TMEM132D: variants seen among roughly 807,000 people sequenced by gnomAD.
TMEM132D encodes transmembrane protein 132D, also known as mature OL transmembrane protein.
Under a neutral mutation model 62.3 loss-of-function variants are expected in TMEM132D, and 21 were observed. The observed-to-expected ratio is 0.34, with a 90% CI of 0.24 to 0.49. The LOEUF (loss-of-function observed/expected upper bound fraction) is 0.49. Ranked by LOEUF, TMEM132D falls within the 20% of genes least tolerant of loss-of-function variation. TMEM132D has a pLI of 0.99. For missense variants in TMEM132D, 1,346 were observed against 1,402.8 expected (o/e 0.96, Z 0.65); for synonymous variants, 621 against 575.6 (o/e 1.08, Z -1.13).
At chr12:129,193,578 A>G (rs1223261408) in intron 5 of TMEM132D, among the ~76,000 whole-genome samples, 1 of 152,250 alleles carries the variant, frequency 6.6e-6, no homozygotes, top group Non-Finnish European at 1.5e-5. Context: ...TAACCTATTA[A>G]ACACAAAGTA....
chr12:129,677,029 T>G (rs1163932900), intron 2 of TMEM132D, among the ~76,000 whole-genome samples: 3 of 152,230 alleles, frequency 2.0e-5, no homozygotes, highest in Admixed American at 1.3e-4. Context: ...ATCATGTGAA[T>G]GTACATAACC....
intron 1 of TMEM132D, among the ~76,000 whole-genome samples, chr12:129,809,307 C>CAA (rs34039590): frequency 0.014 from 1,879 of 137,838 alleles, 13 homozygotes; most frequent in Middle Eastern, 0.022. Flanking sequence ...GACTCCATAT[C>CAA]AAAAAAAAAA....
chr12:129,640,786 A>T (rs1879622873), intron 2 of TMEM132D, among the ~76,000 whole-genome samples: 1 of 152,116 alleles, frequency 6.6e-6, no homozygotes, highest in Non-Finnish European at 1.5e-5. Context: ...GTGAAGCTTC[A>T]TCTGTATTTA....
At chr12:129,212,077 G>A (rs1879068721) in intron 4 of TMEM132D, 1 of 152,152 alleles carries the variant, frequency 6.6e-6, no homozygotes, top group Non-Finnish European at 1.5e-5. Context: ...GGAGCAGTGT[G>A]GCCACTTCTG....
intron 1 of TMEM132D, among the ~76,000 whole-genome samples, chr12:129,772,322 T>C (rs977622496): frequency 1.3e-5 from 2 of 152,214 alleles, no homozygotes; most frequent in Non-Finnish European, 2.9e-5. Flanking sequence ...AGTACAACTC[T>C]TGTAAGAAGA....
At chr12:129,868,194 G>C (rs1230652521) in intron 1 of TMEM132D, among the ~76,000 whole-genome samples, 1 of 151,436 alleles carries the variant, frequency 6.6e-6, no homozygotes, top group African/African-American at 2.4e-5. Flanking sequence ...GACAGCATTT[G>C]TATGGTACAC....
At chr12:129,356,041 C>T (rs1353672924) in intron 3 of TMEM132D, among the ~76,000 whole-genome samples, 1 of 151,988 alleles carries the variant, frequency 6.6e-6, no homozygotes, top group Non-Finnish European at 1.5e-5. Flanking sequence ...CCATTCCCGT[C>T]GTACTTTCCC....
At chr12:129,661,784 T>C (rs775106527) in intron 2 of TMEM132D, among the ~76,000 whole-genome samples, 1 of 152,208 alleles carries the variant, frequency 6.6e-6, no homozygotes, top group Non-Finnish European at 1.5e-5. Flanking sequence ...ATTTTATCTC[T>C]GTTTTACAAA....
chr12:129,865,315 T>C (rs1874023713), intron 1 of TMEM132D, among the ~76,000 whole-genome samples: 2 of 152,108 alleles, frequency 1.3e-5, no homozygotes, highest in Non-Finnish European at 2.9e-5. Flanking sequence ...AACAGAATAA[T>C]GTCCGGTGTG....
intron 1 of TMEM132D, among the ~76,000 whole-genome samples, chr12:129,720,518 C>T (rs1169079208): frequency 1.3e-5 from 2 of 152,118 alleles, no homozygotes; most frequent in African/African-American, 4.8e-5. Context: ...CAAAGGCAGC[C>T]TGTTCATCAT....
intron 1 of TMEM132D, among the ~76,000 whole-genome samples, chr12:129,782,852 CG>C (rs1216976321): frequency 6.6e-6 from 1 of 152,354 alleles, no homozygotes; most frequent in Admixed American, 6.5e-5. Context: ...CCCCTCGAGG[CG>C]TAGGAGGCAG....
intron 2 of TMEM132D, among the ~76,000 whole-genome samples, chr12:129,601,948 A>G (rs1878493958): frequency 6.6e-6 from 1 of 151,988 alleles, no homozygotes; most frequent in African/African-American, 2.4e-5. Flanking sequence ...TAAACCTTCA[A>G]TTTATCAAAA....
chr12:129,578,161 C>A (rs1208254190), intron 2 of TMEM132D, among the ~76,000 whole-genome samples: 1 of 152,118 alleles, frequency 6.6e-6, no homozygotes. Context: ...CTTCTCCCCT[C>A]TTCCTCAGTC....
intron 5 of TMEM132D, among the ~76,000 whole-genome samples, chr12:129,187,044 C>T (rs939763097): frequency 2.0e-4 from 31 of 152,154 alleles, no homozygotes; most frequent in African/African-American, 7.2e-4. Flanking sequence ...ATCTCAATCC[C>T]CTCCACCCAA....
At chr12:129,173,998 C>T (rs941268041) in intron 5 of TMEM132D, among the ~76,000 whole-genome samples, 4 of 152,036 alleles carry the variant, frequency 2.6e-5, no homozygotes, top group South Asian at 2.1e-4. Context: ...GAGGGAAATA[C>T]GAATTTATTT....
At chr12:129,615,584 CAAAAAAA>C (rs544023097) in intron 2 of TMEM132D, among the ~76,000 whole-genome samples, 3 of 74,052 alleles carry the variant, frequency 4.1e-5, no homozygotes, top group African/African-American at 9.9e-5. Flanking sequence ...GACCCCATCT[CAAAAAAA>C]AAAAAAAAAG....
At chr12:129,692,222 G>T (rs563166359) in intron 2 of TMEM132D, among the ~76,000 whole-genome samples, 3 of 152,200 alleles carry the variant, frequency 2.0e-5, no homozygotes, top group Admixed American at 2.0e-4. Flanking sequence ...CATATAAAAA[G>T]AATTACACAC....
At chr12:129,340,136 T>G (rs1378269224) in intron 3 of TMEM132D, among the ~76,000 whole-genome samples, 2 of 152,196 alleles carry the variant, frequency 1.3e-5, no homozygotes, top group East Asian at 3.9e-4. Context: ...CTCCCTTTAC[T>G]TCATCTAATT....
chr12:129,146,241 A>G (rs1056626775), intron 5 of TMEM132D, among the ~76,000 whole-genome samples: 1 of 152,038 alleles, frequency 6.6e-6, no homozygotes, highest in Non-Finnish European at 1.5e-5. Context: ...GTATCTCCTC[A>G]CCACTCAACA....
Sources: gnomAD v4.1 joint callset for allele counts (sites outside exome capture counted in the v4.1 genomes callset) on GRCh38, gnomAD v4.1.1 for gene constraint, MANE v1.5 for transcripts, NCBI Gene and HGNC (gene_info 2026-07-23, HGNC 2026-07-21) for gene names.